Variants in OTUD7A observed in about 807,000 individuals in gnomAD.
The protein encoded by OTUD7A is OTU deubiquitinase 7A.
A neutral mutation model predicts 65.7 loss-of-function variants in OTUD7A; 12 were observed. The ratio of observed to expected loss-of-function variants is 0.18; its 90% CI spans 0.12 to 0.30. The LOEUF (loss-of-function observed/expected upper bound fraction) is 0.30, where lower values mean the gene tolerates loss of function less well. Among genes scored for constraint, OTUD7A ranks in the 10% least tolerant of loss-of-function variants. The pLI, the probability that OTUD7A is intolerant of heterozygous loss-of-function variation, is 1.00. For synonymous variants in OTUD7A, 641 were observed against 586.3 expected (o/e 1.09, Z -1.35); for missense variants, 1,148 against 1,304.8 (o/e 0.88, Z 1.85).
rs545271515 is a variant in OTUD7A, at chr15:31,763,653, T to G, written c.-99-106576A>C. On this transcript the variant is annotated intron_variant, in intron 1 of 12. Coordinates refer to ENST00000307050, the MANE Select transcript of OTUD7A (RefSeq NM_001382637.1). The stretch of plus-strand genomic sequence containing the variant: ...ACGGTGGCTGAAATCTTCCCAAATT[T>G]AGTGAAAGACAAATTTATAGATTTA... 5.9e-5 allele frequency among the ~76,000 whole-genome samples: 9 copies of G among 152,224 alleles called. No individual in the cohort carries two copies. The East Asian group carries it at 1.7e-3, about 29-fold the overall frequency.
intron 3 of OTUD7A, among the ~76,000 whole-genome samples, chr15:31,622,803 G>T (rs1419454850): frequency 6.6e-6 from 1 of 152,316 alleles, no homozygotes; most frequent in East Asian, 1.9e-4. Flanking sequence ...TCCATTGCTG[G>T]TGAGGAGCTT....
chr15:31,780,834 C>T (rs1895519224), intron 1 of OTUD7A, among the ~76,000 whole-genome samples: 2 of 152,228 alleles, frequency 1.3e-5, no homozygotes, highest in South Asian at 4.1e-4. Context: ...ACGCTAGCCA[C>T]TGCCATTCAA....
chr15:31,615,182 G>A (rs1890548823), intron 3 of OTUD7A, among the ~76,000 whole-genome samples: 1 of 152,110 alleles, frequency 6.6e-6, no homozygotes, highest in Non-Finnish European at 1.5e-5. Flanking sequence ...AATGCTTCAA[G>A]TAAAAAACAG....
At chr15:31,747,774 A>T (rs1311912712) in intron 1 of OTUD7A, among the ~76,000 whole-genome samples, 1 of 152,214 alleles carries the variant, frequency 6.6e-6, no homozygotes, top group African/African-American at 2.4e-5. Context: ...TACAGGGGAG[A>T]AACTTCCACT....
chr15:31,778,432 AAG>A (rs1289283571), intron 1 of OTUD7A, among the ~76,000 whole-genome samples: 1 of 152,228 alleles, frequency 6.6e-6, no homozygotes, highest in Non-Finnish European at 1.5e-5. Flanking sequence ...ATCCAAAGGA[AAG>A]AGAGATGGAA....
At position 31,483,771 on chromosome 15, in the gene OTUD7A, G is replaced by C. The variant is rs2041178388; in HGVS notation, c.2325C>G (p.Arg775=). ...VPGRSPPAPA[R]QSVIHVQASG... is the part of the protein sequence containing the mutation. ...ACGCCTGCACGTGGATGACGCTCTG[G>C]CGCGCTGGCGCCGGGGGGCTGCGGC... The change falls in exon 13 of 13, where the codon CGC becomes CGG. Residue 775 remains arginine, a synonymous_variant. Transcript: ENST00000307050. The C allele has an allele frequency of 1.9e-6, 2 of 1,064,884 alleles. No individual in the cohort carries two copies. Among genetic ancestry groups the C allele is most frequent in the Admixed American group, 1.1e-4 (2 of 18,520 alleles). 66.0% of individuals were successfully genotyped at this position (1,064,884 alleles called of 1,614,324 possible). A position where few individuals can be genotyped will look rare whatever the true frequency, so the allele number is the denominator to read the frequency against.
chr15:31,777,277 C>T (rs1465583236), intron 1 of OTUD7A, among the ~76,000 whole-genome samples: 2 of 152,196 alleles, frequency 1.3e-5, no homozygotes, highest in South Asian at 2.1e-4. Flanking sequence ...ATGACCTTAT[C>T]ACCTCCCTAA....
At chr15:31,815,677 G>A (rs375767034) in intron 1 of OTUD7A, among the ~76,000 whole-genome samples, 17 of 152,320 alleles carry the variant, frequency 1.1e-4, no homozygotes, top group African/African-American at 3.6e-4. Flanking sequence ...AAGTGGTGGC[G>A]GCAGGATGGA....
rs1486699309 is a variant in OTUD7A at position 31,483,593 on chromosome 15, G to A, written c.2503C>T (p.Arg835Cys). Residue 835 changes from arginine to cysteine, a missense_variant, in exon 13 of 13, where the codon CGC becomes TGC. By Grantham distance (180) the Arg-to-Cys change is radical. Around this residue, in one of 6 missense-constraint regions of OTUD7A, gnomAD observed 842 missense variants for 769.5 expected, o/e 1.09. Transcript: ENST00000307050. Reference protein sequence around the residue: ...RTVNTVESLARAVPGALPGAA... With the variant: ...RTVNTVESLACAVPGALPGAA... ...CCCGGTAGGGCCCCGGGCACCGCGC[G>A]CGCCAGCGACTCGACCGTGTTGACG... 3 of 1,231,562 alleles carry A rather than the reference G, an allele frequency of 2.4e-6. No homozygotes were observed. The highest frequency in any genetic ancestry group is 4.4e-5 in the Admixed American group (1 of 22,518). 76.3% of individuals were successfully genotyped at this position (1,231,562 alleles called of 1,614,324 possible). A position where few individuals can be genotyped will look rare whatever the true frequency, so the allele number is the denominator to read the frequency against.
intron 1 of OTUD7A, among the ~76,000 whole-genome samples, chr15:31,772,942 CA>C (rs996827845): frequency 5.9e-5 from 9 of 152,090 alleles, no homozygotes; most frequent in African/African-American, 2.2e-4. Flanking sequence ...TCAATATTAA[CA>C]ATGTTGAAAG....
intron 5 of OTUD7A, among the ~76,000 whole-genome samples, chr15:31,548,972 C>T (rs1888226738): frequency 6.6e-6 from 1 of 151,838 alleles, no homozygotes; most frequent in Non-Finnish European, 1.5e-5. Context: ...CCCATCTCTA[C>T]CAAAAATATA....
intron 3 of OTUD7A, among the ~76,000 whole-genome samples, chr15:31,607,486 C>G (rs1252944736): frequency 6.6e-6 from 1 of 152,096 alleles, no homozygotes; most frequent in Non-Finnish European, 1.5e-5. Context: ...GCAAACTTCA[C>G]TTTCTCAGGA....
chr15:31,619,802 A>G (rs968410967), intron 3 of OTUD7A, among the ~76,000 whole-genome samples: 1 of 152,144 alleles, frequency 6.6e-6, no homozygotes, highest in Non-Finnish European at 1.5e-5. Flanking sequence ...TTCCAACACT[A>G]TGTTGAATAG....
At chr15:31,555,127 G>T (rs1888449007) in intron 5 of OTUD7A, among the ~76,000 whole-genome samples, 1 of 152,186 alleles carries the variant, frequency 6.6e-6, no homozygotes, top group South Asian at 2.1e-4. Context: ...CAGGAGAGTG[G>T]AATCAGGCCC....
At chr15:31,775,702 AG>A (rs927255926) in intron 1 of OTUD7A, among the ~76,000 whole-genome samples, 20 of 152,188 alleles carry the variant, frequency 1.3e-4, no homozygotes, top group African/African-American at 4.8e-4. Context: ...TTGTAGTTTA[AG>A]GGGAAAAGAT....
intron 1 of OTUD7A, among the ~76,000 whole-genome samples, chr15:31,742,393 GA>G (rs746244829): frequency 4.9e-4 from 75 of 151,788 alleles, no homozygotes; most frequent in African/African-American, 1.7e-3. Context: ...CAGATTAAGG[GA>G]AAAAAAATTG....
intron 1 of OTUD7A, among the ~76,000 whole-genome samples, chr15:31,734,119 C>T (rs1700845633): frequency 6.6e-6 from 1 of 151,992 alleles, no homozygotes; most frequent in Non-Finnish European, 1.5e-5. Context: ...AACAGTCAAG[C>T]CAAGAGCTAA....
chr15:31,610,672 A>T (rs1171953684), intron 3 of OTUD7A, among the ~76,000 whole-genome samples: 1 of 118,168 alleles, frequency 8.5e-6, no homozygotes, highest in Non-Finnish European at 1.6e-5. Context: ...CCCAGGCTGG[A>T]ATGCAATGGC....
chr15:31,682,928 A>T (rs1479558238), intron 1 of OTUD7A, among the ~76,000 whole-genome samples: 1 of 152,200 alleles, frequency 6.6e-6, no homozygotes, highest in Non-Finnish European at 1.5e-5. Flanking sequence ...ACTGTGTGTG[A>T]CTGTGCGTGT....
Sources: allele counts gnomAD v4.1 joint callset (sites outside exome capture counted in the v4.1 genomes callset), GRCh38; gene constraint gnomAD v4.1.1; regional missense constraint gnomAD v4.1.1; transcripts MANE v1.5; gene names NCBI Gene and HGNC (gene_info 2026-07-23, HGNC 2026-07-21).